Variants in PHACTR2 observed in about 807,000 individuals in gnomAD.
The protein encoded by PHACTR2 is chromosome 6 open reading frame 56.
PHACTR2 carries 30 observed loss-of-function variants against 76.0 expected under a neutral mutation model. That is an observed-to-expected ratio of 0.39 (90% CI 0.30 to 0.54). PHACTR2 has a LOEUF of 0.54. Among genes scored for constraint, PHACTR2 ranks in the 20% least tolerant of loss-of-function variants. The pLI is 0.61. For synonymous variants in PHACTR2, 292 were observed against 292.5 expected, an observed-to-expected ratio of 1.00 and a Z score of 0.02; for missense variants, 696 against 781.1, an observed-to-expected ratio of 0.89 and a Z score of 1.30.
chr6:143,658,279 C>T lies in PHACTR2; in HGVS notation c.13+49957C>T, dbSNP rs898481891. 1.3e-5 allele frequency among the ~76,000 whole-genome samples: 2 copies of T among 152,044 alleles called. No individual in the cohort carries two copies. Among genetic ancestry groups the T allele is most frequent in the Non-Finnish European group, 1.5e-5 (1 of 67,990 alleles). On this transcript the variant is annotated intron_variant, in intron 1 of 11. Coordinates refer to the PHACTR2 transcript ENST00000305766. The surrounding 1 kb of genome is among the most constrained non-coding windows in gnomAD (Gnocchi z 4.1). ...TTTGGGTACAAATATAGAAATACAC[C>T]TTCAAATTAACAAGGGAAATTCAGG...
intron 1 of PHACTR2, among the ~76,000 whole-genome samples, chr6:143,645,864 G>A (rs1300750474): frequency 6.6e-6 from 1 of 152,088 alleles, no homozygotes. Flanking sequence ...AAAAGTACCA[G>A]AAGAAAATAT....
chr6:143,565,737 G>A (rs1390690576), intron 1 of PHACTR2, among the ~76,000 whole-genome samples: 2 of 152,108 alleles, frequency 1.3e-5, no homozygotes, highest in African/African-American at 4.8e-5. Context: ...GGATGATGGG[G>A]GAAGAGCATT....
chr6:143,572,594 C>T (rs1775456251), intron 1 of PHACTR2, among the ~76,000 whole-genome samples: 1 of 152,046 alleles, frequency 6.6e-6, no homozygotes, highest in African/African-American at 2.4e-5. Flanking sequence ...CTCCATTGCC[C>T]CAGGTTGGAG....
In PHACTR2 at chr6:143,787,623, A is replaced by C. The variant is rs1395661911; in HGVS notation, c.1708-1150A>C. ...ATGTAGACCCAGTGCAAAATAAGGA[A>C]TATCTCTGGACAGGTGTTGTGGCTT... On this transcript the variant is annotated intron_variant, in intron 10 of 12. Transcript: ENST00000440869. This position sits in a 1 kb window ranked among gnomAD's most constrained non-coding sequence, Gnocchi z 4.6. Among the ~76,000 whole-genome samples the C allele has an allele frequency of 6.6e-6, 1 of 152,168 alleles. No individual in the cohort carries two copies. Among genetic ancestry groups the C allele is most frequent in the African/African-American group, 2.4e-5 (1 of 41,436 alleles).
rs1776433856 is a variant in PHACTR2, at chr6:143,822,119, A to G, written c.1923-1555A>G. 6.6e-6 allele frequency among the ~76,000 whole-genome samples: 1 copy of G among 152,136 alleles called. No homozygotes were observed. The highest frequency in any genetic ancestry group is 1.5e-5 in the Non-Finnish European group (1 of 68,018). On this transcript the variant is annotated intron_variant, in intron 12 of 12. Transcript: ENST00000440869. The surrounding 1 kb of genome is among the most constrained non-coding windows in gnomAD (Gnocchi z 5.5). Reference sequence around the variant, plus strand: ...AAGCAGTGATAGAGATATAGCTAGAACCATGAGTTGGGCCACTTTCTGAAA... The same window carrying G: ...AAGCAGTGATAGAGATATAGCTAGAGCCATGAGTTGGGCCACTTTCTGAAA...
In PHACTR2 at chr6:143,775,344, C is replaced by T. The variant is rs1775248316; in HGVS notation, c.1589+1129C>T. Among the ~76,000 whole-genome samples, 1 of 152,206 alleles carries T rather than the reference C, an allele frequency of 6.6e-6. No individual in the cohort carries two copies. The highest frequency in any genetic ancestry group is 1.5e-5 in the Non-Finnish European group (1 of 68,030). On this transcript the variant is annotated intron_variant, in intron 8 of 12. Transcript: ENST00000440869. The surrounding 1 kb of genome is among the most constrained non-coding windows in gnomAD (Gnocchi z 4.4). ...ATGTTTACCAGTGGTCTCTCTCGCT[C>T]TCGTCTTCTTAATTCAGCCCTAACC...
rs1400456657 is a variant in PHACTR2 at position 143,811,366 on chromosome 6, C to T, written c.1922+4233C>T. Among the ~76,000 whole-genome samples, 1 of 151,956 alleles carries T rather than the reference C, an allele frequency of 6.6e-6. No individual in the cohort carries two copies. The highest frequency in any genetic ancestry group is 2.4e-5 in the African/African-American group (1 of 41,358). On this transcript the variant is annotated intron_variant, in intron 12 of 12. Coordinates refer to ENST00000440869, the MANE Select transcript of PHACTR2 (RefSeq NM_001100164.2). The surrounding 1 kb of genome is among the most constrained non-coding windows in gnomAD (Gnocchi z 4.1). ...TATATTTGATGGGGCATTTTTTCACCCTCAAAATTCTATTGGCTATTTTTT... is the reference window on the plus strand; with the variant it reads ...TATATTTGATGGGGCATTTTTTCACTCTCAAAATTCTATTGGCTATTTTTT...
chr6:143,610,475 A>C lies in PHACTR2; in HGVS notation c.13+2153A>C, dbSNP rs1294272860. 6.6e-6 allele frequency among the ~76,000 whole-genome samples: 1 copy of C among 152,220 alleles called. No homozygotes were observed. Among genetic ancestry groups the C allele is most frequent in the Admixed American group, 6.5e-5 (1 of 15,276 alleles). On this transcript the variant is annotated intron_variant, in intron 1 of 11. Transcript: ENST00000305766. This position sits in a 1 kb window ranked among gnomAD's most constrained non-coding sequence, Gnocchi z 4.9. ...GACAACTGGATCATTAGTTTCAAGG[A>C]GCCAGACCTTCTTCTAGCAAGGCTT...
chr6:143,669,209 T>C (rs1777101228), intron 1 of PHACTR2, among the ~76,000 whole-genome samples: 1 of 152,252 alleles, frequency 6.6e-6, no homozygotes, highest in South Asian at 2.1e-4. Flanking sequence ...TCCTGAGTTC[T>C]AATTTGATTG....
At position 143,678,354 on chromosome 6, in the gene PHACTR2, C is replaced by T; in HGVS notation, c.46+145C>T. 2 of 685,438 alleles carry T rather than the reference C, an allele frequency of 2.9e-6. No individual in the cohort carries two copies. The highest frequency in any genetic ancestry group is 2.2e-6 in the Non-Finnish European group (1 of 461,208). The allele number at this position is 685,438 out of a possible 1,614,324, so 42.5% of individuals were successfully genotyped here. On this transcript the variant is annotated intron_variant, in intron 1 of 12. Coordinates refer to ENST00000440869, the MANE Select transcript of PHACTR2 (RefSeq NM_001100164.2). This position sits in a 1 kb window ranked among gnomAD's most constrained non-coding sequence, Gnocchi z 6.2. ...GGAGAAACCCCAGAGGTAGCGCTCG[C>T]CAAACTCTTTGTCGTGAAAGAGGAA...
intron 1 of PHACTR2, among the ~76,000 whole-genome samples, chr6:143,670,576 G>A (rs536392112): frequency 3.3e-5 from 5 of 151,888 alleles, no homozygotes; most frequent in South Asian, 2.1e-4. Flanking sequence ...TGGTCTTCAT[G>A]CTTTGTTTCA....
Position 143,793,774 on chromosome 6 carries a change from G to A in PHACTR2, c.1845+4864G>A, listed in dbSNP as rs192156152. ...TACTAAAAAATACAAAAAATTAGCC[G>A]GGTGTGGTGGCGCGTACCTGTAGTC... On this transcript the variant is annotated intron_variant, in intron 11 of 12. Transcript: ENST00000440869. The surrounding 1 kb of genome is among the most constrained non-coding windows in gnomAD (Gnocchi z 4.4). Among the ~76,000 whole-genome samples, 838 of 152,022 alleles carry A rather than the reference G, an allele frequency of 5.5e-3. 9 individuals carry two copies. The highest frequency in any genetic ancestry group is 0.019 in the African/African-American group (802 of 41,450).
rs1291755716 is a variant in PHACTR2 at position 143,589,295 on chromosome 6, T to C, written c.217+52088T>C. 1.3e-5 allele frequency among the ~76,000 whole-genome samples: 2 copies of C among 152,190 alleles called. No homozygotes were observed. Among genetic ancestry groups the C allele is most frequent in the African/African-American group, 4.8e-5 (2 of 41,456 alleles). Reference sequence around the variant, plus strand: ...TCATGGGGGTGGATTTCCCCCTTGCTGTTGTCATGATAGTGAATGACTTCT... The same window carrying C: ...TCATGGGGGTGGATTTCCCCCTTGCCGTTGTCATGATAGTGAATGACTTCT... On this transcript the variant is annotated intron_variant, in intron 1 of 11. Coordinates refer to the PHACTR2 transcript ENST00000367584. The surrounding 1 kb of genome is among the most constrained non-coding windows in gnomAD (Gnocchi z 4.4).
At position 143,537,227 on chromosome 6, in the gene PHACTR2, CG is replaced by C; in HGVS notation, c.217+23del. 4.6e-6 allele frequency: 1 copy of C among 219,246 alleles called. No individual in the cohort carries two copies. Among genetic ancestry groups the C allele is most frequent in the Non-Finnish European group, 9.1e-6 (1 of 110,084 alleles). The allele number at this position is 219,246 out of a possible 1,614,324, so 13.6% of individuals were successfully genotyped here. ...GCTCAGGTAAGAGCGGCTCGGGGCGCGGGCCGGGGAGGGCCGGCCGCGGGCA... is the reference window on the plus strand; with the variant it reads ...GCTCAGGTAAGAGCGGCTCGGGGCGCGGCCGGGGAGGGCCGGCCGCGGGCA... On this transcript the variant is annotated intron_variant, in intron 1 of 11. Transcript: ENST00000367584. The surrounding 1 kb of genome is among the most constrained non-coding windows in gnomAD (Gnocchi z 4.4).
Position 143,641,472 on chromosome 6 carries a change from A to G in PHACTR2, c.13+33150A>G, listed in dbSNP as rs1462470906. On this transcript the variant is annotated intron_variant, in intron 1 of 11. Coordinates refer to the PHACTR2 transcript ENST00000305766. This position sits in a 1 kb window ranked among gnomAD's most constrained non-coding sequence, Gnocchi z 5.8. Reference sequence around the variant, plus strand: ...TACCTTCAGATCTGTGAAATAATACATTTCTGTTGTTGATTTGTTTGTTTG... The same window carrying G: ...TACCTTCAGATCTGTGAAATAATACGTTTCTGTTGTTGATTTGTTTGTTTG... Among the ~76,000 whole-genome samples, 2 of 151,750 alleles carry G rather than the reference A, an allele frequency of 1.3e-5. No individual in the cohort carries two copies. Among genetic ancestry groups the G allele is most frequent in the Non-Finnish European group, 2.9e-5 (2 of 67,930 alleles).
At position 143,683,306 on chromosome 6, in the gene PHACTR2, C is replaced by CTG. The variant is rs777015352; in HGVS notation, c.46+5098_46+5099dup. ...CAAATAGTCTCAATAAGCAGCCTGA[C>CTG]TGCTTTAAACCAATGATTATATGAA... On this transcript the variant is annotated intron_variant, in intron 1 of 12. Coordinates refer to ENST00000440869, the MANE Select transcript of PHACTR2 (RefSeq NM_001100164.2). The surrounding 1 kb of genome is among the most constrained non-coding windows in gnomAD (Gnocchi z 4.1). 1.3e-5 allele frequency among the ~76,000 whole-genome samples: 2 copies of CTG among 152,184 alleles called. No individual in the cohort carries two copies. Among genetic ancestry groups the CTG allele is most frequent in the Non-Finnish European group, 2.9e-5 (2 of 68,032 alleles).
rs1006855095 is a variant in PHACTR2, at chr6:143,537,188, G to T, written c.198G>T (p.Arg66=). ...CCTCGAGCAGGGGCCGCCCGCTCCG[G>T]GTCCACATCTCCGGCTCAGGTAAGA... is the stretch of plus-strand genomic sequence containing the variant. The change falls in exon 1 of 12, where the codon CGG becomes CGT. Residue 66 remains arginine (R), a synonymous_variant. Transcript: ENST00000367584. The surrounding 1 kb of genome is among the most constrained non-coding windows in gnomAD (Gnocchi z 4.4). 1 of 295,988 alleles carries T rather than the reference G, an allele frequency of 3.4e-6. No homozygotes were observed. Among genetic ancestry groups the T allele is most frequent in the Admixed American group, 4.2e-5 (1 of 24,068 alleles). 18.3% of individuals were successfully genotyped at this position (295,988 alleles called of 1,614,324 possible).
At chr6:143,637,538 C>T (rs1776480632) in intron 1 of PHACTR2, among the ~76,000 whole-genome samples, 1 of 152,196 alleles carries the variant, frequency 6.6e-6, no homozygotes, top group Admixed American at 6.5e-5. Context: ...CAGCTTAACA[C>T]AACACATATT....
rs1173226207 is a variant in PHACTR2 at position 143,697,004 on chromosome 6, A to G, written c.47-15012A>G. 6.6e-6 allele frequency among the ~76,000 whole-genome samples: 1 copy of G among 152,192 alleles called. No homozygotes were observed. The highest frequency in any genetic ancestry group is 1.5e-5 in the Non-Finnish European group (1 of 68,036). On this transcript the variant is annotated intron_variant, in intron 1 of 12. Transcript: ENST00000440869. The surrounding 1 kb of genome is among the most constrained non-coding windows in gnomAD (Gnocchi z 4.4). ...TACATTGTAGAGTCAGATGTTTGCC[A>G]CCACAACACTGGGCTATTATGCAAG...
Sources: gnomAD v4.1 joint callset for allele counts (sites outside exome capture counted in the v4.1 genomes callset) on GRCh38, gnomAD v4.1.1 for gene constraint, Gnocchi (gnomAD v3.1) non-coding constraint, MANE v1.5 for transcripts, NCBI Gene and HGNC (gene_info 2026-07-23, HGNC 2026-07-21) for gene names.